IPO5: variants seen among roughly 807,000 people sequenced by gnomAD.
IPO5 encodes the protein importin-5.
IPO5 carries 18 observed loss-of-function variants against 143.3 expected under a neutral mutation model. The observed-to-expected ratio is 0.13, with a 90% CI of 0.09 to 0.19. The LOEUF (loss-of-function observed/expected upper bound fraction) is 0.19, where lower values mean the gene tolerates loss of function less well. Ranked by LOEUF, IPO5 falls within the 10% of genes least tolerant of loss-of-function variation. The pLI, the probability that IPO5 is intolerant of heterozygous loss-of-function variation, is 1.00. For synonymous variants in IPO5, 477 were observed against 465.7 expected, an observed-to-expected ratio of 1.02 and a Z score of -0.31; for missense variants, 1,013 against 1,336.9, an observed-to-expected ratio of 0.76 and a Z score of 3.78.
At chr13:97,970,687 G>A (rs1295090633) in intron 3 of IPO5, among the ~76,000 whole-genome samples, 1 of 152,148 alleles carries the variant, frequency 6.6e-6, no homozygotes. Context: ...CAGTCATAAT[G>A]GCTAGTGGCT....
chr13:97,999,079 G>T (rs1888540773), intron 12 of IPO5, among the ~76,000 whole-genome samples: 2 of 152,106 alleles, frequency 1.3e-5, no homozygotes, highest in South Asian at 2.1e-4. Flanking sequence ...GGAGGTGGAG[G>T]TTGCAGTGAG....
intron 21 of IPO5, among the ~76,000 whole-genome samples, chr13:98,013,456 T>C (rs1889875921): frequency 6.6e-6 from 1 of 152,256 alleles, no homozygotes; most frequent in Non-Finnish European, 1.5e-5. Context: ...CCAAAGCCCG[T>C]TTGTCATCAT....
At chr13:97,964,550 C>T (rs1885152317) in intron 2 of IPO5, among the ~76,000 whole-genome samples, 1 of 150,612 alleles carries the variant, frequency 6.6e-6, no homozygotes, top group Non-Finnish European at 1.5e-5. Context: ...CGGGTTCATG[C>T]CATTCTCCTG....
At chr13:97,995,723 G>C (rs538302639) in intron 11 of IPO5, among the ~76,000 whole-genome samples, 1 of 152,098 alleles carries the variant, frequency 6.6e-6, no homozygotes, top group East Asian at 1.9e-4. Context: ...CCACTGCACT[G>C]CAGCCTGGGC....
intron 4 of IPO5, among the ~76,000 whole-genome samples, chr13:97,977,831 T>C (rs1886511765): frequency 6.6e-6 from 1 of 152,198 alleles, no homozygotes; most frequent in African/African-American, 2.4e-5. Context: ...AACCATGCGA[T>C]TGTAGAGTTT....
chr13:97,969,153 G>GTA (rs1210544640), intron 2 of IPO5, among the ~76,000 whole-genome samples: 2,097 of 63,330 alleles, frequency 0.033, 140 homozygotes, highest in African/African-American at 0.048. Flanking sequence ...TTTCTGCTAA[G>GTA]TATATATATA....
intron 6 of IPO5, among the ~76,000 whole-genome samples, chr13:97,986,328 T>C (rs1269374966): frequency 2.0e-5 from 3 of 152,118 alleles, no homozygotes; most frequent in African/African-American, 7.2e-5. Context: ...TATATACATA[T>C]ACTGTTACGT....
Position 98,015,554 on chromosome 13 carries a change from T to A in IPO5, c.2350T>A (p.Cys784Ser). ...GTGCATTGAAGTAATGGGAGATGGA[T>A]GCCTTAATAATGAACACTTTGAAGA... ...AKCIEVMGDGCLNNEHFEELG... is the reference protein window; with the variant it reads ...AKCIEVMGDGSLNNEHFEELG... The change falls in exon 23 of 29, where the codon TGC becomes AGC. Residue 784 changes from cysteine (C) to serine (S), a missense_variant. Physicochemically the swap from Cys to Ser is moderately radical, Grantham distance 112 (BLOSUM62 -1). This residue lies in a region of IPO5 where 685 missense variants were observed against 994.9 expected (regional missense o/e 0.69). Transcript: ENST00000651721. 1 of 1,607,902 alleles carries A rather than the reference T, an allele frequency of 6.2e-7. No homozygotes were observed.
intron 16 of IPO5, among the ~76,000 whole-genome samples, chr13:98,003,567 G>C (rs2139778573): frequency 6.6e-6 from 1 of 152,006 alleles, no homozygotes; most frequent in Admixed American, 6.6e-5. Context: ...AAAGATGAAA[G>C]GGCCCGGCAC....
chr13:97,973,100 T>C (rs974740273), intron 3 of IPO5, among the ~76,000 whole-genome samples: 9 of 139,752 alleles, frequency 6.4e-5, no homozygotes, highest in African/African-American at 2.7e-5. Context: ...TGTAGTGCAG[T>C]GGCATGATAC....
rs57634218 is a variant in IPO5, at chr13:97,974,683, C to CAAA, written c.-4-1997_-4-1995dup. On this transcript the variant is annotated intron_variant, in intron 3 of 28. Coordinates refer to ENST00000651721, the MANE Select transcript of IPO5 (RefSeq NM_002271.6). Reference sequence around the variant, plus strand: ...AGAATCCAGATACCCCAACGACCCACAAAAAAAAAAAAAAATCAAAATCAA... The same window carrying CAAA: ...AGAATCCAGATACCCCAACGACCCACAAAAAAAAAAAAAAAAAATCAAAATCAA... Among the ~76,000 whole-genome samples, 506 of 136,624 alleles carry CAAA rather than the reference C, an allele frequency of 3.7e-3. 3 individuals carry two copies. The highest frequency in any genetic ancestry group is 0.012 in the African/African-American group (464 of 37,652). The allele number at this position is 136,624 out of a possible 152,430, so 89.6% of individuals were successfully genotyped here. A position where few individuals can be genotyped will look rare whatever the true frequency, so the allele number is the denominator to read the frequency against.
Position 98,012,275 on chromosome 13 carries a change from C to G in IPO5, c.2085C>G (p.Gly695=), listed in dbSNP as rs1391289206. The part of the protein sequence containing the change: ...LVCYAKELKE[G]FVEYTEQVVK... The stretch of plus-strand genomic sequence containing the variant: ...GCTATGCTAAGGAGTTAAAGGAAGG[C>G]TTTGTGGAGTACACCGAACAGGTTG... The change falls in exon 21 of 29, where the codon GGC becomes GGG. Residue 695 remains glycine (G), a synonymous_variant. Transcript: ENST00000651721. The G allele has an allele frequency of 6.2e-7, 1 of 1,612,026 alleles. No homozygotes were observed. Among genetic ancestry groups the G allele is most frequent in the African/African-American group, 1.3e-5 (1 of 74,872 alleles).
chr13:98,022,613 T>G lies in IPO5; in HGVS notation c.*791T>G, dbSNP rs1252491050. 1 of 152,262 alleles carries G rather than the reference T, an allele frequency of 6.6e-6. No homozygotes were observed. The highest frequency in any genetic ancestry group is 2.4e-5 in the African/African-American group (1 of 41,480). 9.4% of individuals were successfully genotyped at this position (152,262 alleles called of 1,614,324 possible). On this transcript the variant is annotated 3_prime_UTR_variant, in exon 29 of 29. Coordinates refer to ENST00000651721, the MANE Select transcript of IPO5 (RefSeq NM_002271.6). ...CTGAGTGTTTTTTCCCCTAATATTT[T>G]CCTTGTGCAATTCAGACTTAAGCAT...
intron 2 of IPO5, among the ~76,000 whole-genome samples, chr13:97,964,387 G>C (rs1022790422): frequency 6.6e-6 from 1 of 151,168 alleles, no homozygotes; most frequent in African/African-American, 2.4e-5. Context: ...GTAAGGAATG[G>C]GTCCAGTTTG....
intron 26 of IPO5, among the ~76,000 whole-genome samples, chr13:98,019,049 G>C (rs760808224): frequency 6.6e-6 from 1 of 151,872 alleles, no homozygotes; most frequent in Non-Finnish European, 1.5e-5. Context: ...TCCGCCTCCC[G>C]GGTTCGAGCA....
chr13:97,974,655 C>T (rs551319451), intron 3 of IPO5, among the ~76,000 whole-genome samples: 1 of 147,858 alleles, frequency 6.8e-6, no homozygotes, highest in Non-Finnish European at 1.5e-5. Context: ...ATGAAACCTC[C>T]TCAGAATCCA....
intron 2 of IPO5, among the ~76,000 whole-genome samples, chr13:97,961,106 C>T (rs899594662): frequency 6.6e-6 from 1 of 152,198 alleles, no homozygotes; most frequent in Non-Finnish European, 1.5e-5. Context: ...TGATTTCCTT[C>T]AGGCAGTCTA....
chr13:97,977,460 T>G (rs1308412437), intron 4 of IPO5, among the ~76,000 whole-genome samples: 1 of 152,196 alleles, frequency 6.6e-6, no homozygotes, highest in Non-Finnish European at 1.5e-5. Context: ...ATAATACACT[T>G]ACTCTGCTCT....
intron 12 of IPO5, among the ~76,000 whole-genome samples, chr13:97,998,264 C>T (rs755953224): frequency 6.6e-6 from 1 of 152,098 alleles, no homozygotes; most frequent in African/African-American, 2.4e-5. Context: ...CGTGAGCCAC[C>T]GCACCTGGCC....
Sources: allele counts gnomAD v4.1 joint callset (sites outside exome capture counted in the v4.1 genomes callset), GRCh38; gene constraint gnomAD v4.1.1; regional missense constraint gnomAD v4.1.1; transcripts MANE v1.5; gene names NCBI Gene and HGNC (gene_info 2026-07-23, HGNC 2026-07-21).